Variants in UBE2QL1 observed in about 807,000 individuals in gnomAD.
UBE2QL1 encodes the protein ubiquitin-conjugating enzyme E2Q-like protein 1.
In UBE2QL1, 5 loss-of-function variants were observed where a neutral mutation model predicts 12.6. That is an observed-to-expected ratio of 0.40 (90% CI 0.21 to 0.83). UBE2QL1 has a LOEUF of 0.83. Ranked by LOEUF, UBE2QL1 falls within the 40% of genes least tolerant of loss-of-function variation. UBE2QL1 has a pLI of 0.37. For missense variants in UBE2QL1, 99 were observed against 222.6 expected, an observed-to-expected ratio of 0.44 and a Z score of 3.53; for synonymous variants, 96 against 94.5, an observed-to-expected ratio of 1.02 and a Z score of -0.10.
At chr5:6,455,995 C>A (rs1239338387) in intron 1 of UBE2QL1, among the ~76,000 whole-genome samples, 1 of 152,172 alleles carries the variant, frequency 6.6e-6, no homozygotes, top group Non-Finnish European at 1.5e-5. Context: ...TTCCCTCCAC[C>A]CTCGATGAGA....
At chr5:6,451,151 A>T (rs1037736986) in intron 1 of UBE2QL1, among the ~76,000 whole-genome samples, 8 of 152,212 alleles carry the variant, frequency 5.3e-5, no homozygotes, top group African/African-American at 1.9e-4. Context: ...ACAGAGTCCT[A>T]ACATTTTAGA....
chr5:6,458,852 A>G (rs551526152), intron 1 of UBE2QL1, among the ~76,000 whole-genome samples: 34 of 152,368 alleles, frequency 2.2e-4, no homozygotes, highest in African/African-American at 7.7e-4. Context: ...AGAGTCATCA[A>G]AATACTAAAT....
At chr5:6,459,275 T>C (rs543723200) in intron 1 of UBE2QL1, among the ~76,000 whole-genome samples, 60 of 152,322 alleles carry the variant, frequency 3.9e-4, no homozygotes, top group African/African-American at 1.4e-3. Context: ...TTACCGTAAG[T>C]CACAAATAAA....
intron 1 of UBE2QL1, among the ~76,000 whole-genome samples, chr5:6,475,913 G>T (rs572436997): frequency 4.9e-4 from 74 of 152,310 alleles, no homozygotes; most frequent in Admixed American, 2.5e-3. Flanking sequence ...AAACGCACAG[G>T]CTCTCCAGGG....
intron 1 of UBE2QL1, among the ~76,000 whole-genome samples, chr5:6,473,006 C>G (rs765824759): frequency 3.3e-5 from 5 of 152,190 alleles, no homozygotes; most frequent in African/African-American, 4.8e-5. Flanking sequence ...GTCTGAACCA[C>G]CTGGTCTTTT....
chr5:6,467,065 A>C (rs1167586148), intron 1 of UBE2QL1, among the ~76,000 whole-genome samples: 2 of 151,970 alleles, frequency 1.3e-5, no homozygotes, highest in African/African-American at 4.8e-5. Context: ...CTTCTCTGTA[A>C]ACATCTTTTC....
chr5:6,459,464 G>A (rs1025385579), intron 1 of UBE2QL1, among the ~76,000 whole-genome samples: 2 of 152,132 alleles, frequency 1.3e-5, no homozygotes, highest in African/African-American at 2.4e-5. Context: ...GTCCCTTCCT[G>A]CTGCCCCAAA....
At chr5:6,462,907 A>G (rs1739704981) in intron 1 of UBE2QL1, among the ~76,000 whole-genome samples, 1 of 152,252 alleles carries the variant, frequency 6.6e-6, no homozygotes, top group Non-Finnish European at 1.5e-5. Context: ...CTTAACAAAA[A>G]TAATAGTGTG....
intron 1 of UBE2QL1, among the ~76,000 whole-genome samples, chr5:6,464,710 A>G (rs1739747904): frequency 6.6e-6 from 1 of 152,244 alleles, no homozygotes; most frequent in Non-Finnish European, 1.5e-5. Flanking sequence ...GGTGGGTGAC[A>G]CCGGGTGCCT....
At chr5:6,473,185 C>G (rs1215143471) in intron 1 of UBE2QL1, among the ~76,000 whole-genome samples, 1 of 152,212 alleles carries the variant, frequency 6.6e-6, no homozygotes, top group African/African-American at 2.4e-5. Context: ...TCTGCTCTTC[C>G]TTTTCAAAAT....
chr5:6,455,408 G>C (rs1739499667), intron 1 of UBE2QL1, among the ~76,000 whole-genome samples: 1 of 152,130 alleles, frequency 6.6e-6, no homozygotes. Context: ...ACTTGTGGCA[G>C]GGATTTTGAG....
intron 1 of UBE2QL1, among the ~76,000 whole-genome samples, chr5:6,468,552 G>A (rs905419071): frequency 6.6e-6 from 1 of 152,218 alleles, no homozygotes; most frequent in Non-Finnish European, 1.5e-5. Context: ...GTGAGGAGCT[G>A]AGGCTGAAAT....
Position 6,461,547 on chromosome 5 carries a change from C to A in UBE2QL1, c.354+12300C>A, listed in dbSNP as rs559375705. 1.7e-3 allele frequency among the ~76,000 whole-genome samples: 198 copies of A among 114,868 alleles called. 15 individuals carry two copies. The Middle Eastern group carries it at 0.021, about 12-fold the overall frequency. The allele number at this position is 114,868 out of a possible 152,430, so 75.4% of individuals were successfully genotyped here. ...CAGTGTTTTTCAGCACCCACCACCC[C>A]CCCCCGCCGGCATATCATTCTAGGA... On this transcript the variant is annotated intron_variant, in intron 1 of 1. Coordinates refer to ENST00000399816, the MANE Select transcript of UBE2QL1 (RefSeq NM_001145161.3).
intron 1 of UBE2QL1, among the ~76,000 whole-genome samples, chr5:6,483,009 GGCCTCC>G (rs149092291): frequency 1.1e-4 from 16 of 152,328 alleles, no homozygotes; most frequent in Non-Finnish European, 2.2e-4. Context: ...ACGCCAGCAA[GGCCTCC>G]CTGCTGCGAG....
Position 6,492,627 on chromosome 5 carries a change from A to G in UBE2QL1, c.*1278A>G, listed in dbSNP as rs148124380. ...CTCAAGGATCCAGTCATTGTGGGCT[A>G]TCCTTCCATTTAAAATATTTCAGAT... On this transcript the variant is annotated 3_prime_UTR_variant, in exon 2 of 2. Coordinates refer to ENST00000399816, the MANE Select transcript of UBE2QL1 (RefSeq NM_001145161.3). 249 of 152,382 alleles carry G rather than the reference A, an allele frequency of 1.6e-3. No homozygotes were observed. Among genetic ancestry groups the G allele is most frequent in the African/African-American group, 5.7e-3 (238 of 41,594 alleles). 9.4% of individuals were successfully genotyped at this position (152,382 alleles called of 1,614,324 possible).
intron 1 of UBE2QL1, among the ~76,000 whole-genome samples, chr5:6,480,361 T>C (rs147364158): frequency 1.1e-3 from 162 of 152,194 alleles, no homozygotes; most frequent in African/African-American, 3.8e-3. Flanking sequence ...TCAGTGAGAG[T>C]GTTTGCCCCA....
intron 1 of UBE2QL1, among the ~76,000 whole-genome samples, chr5:6,469,841 G>T (rs1739872522): frequency 6.6e-6 from 1 of 152,062 alleles, no homozygotes; most frequent in Admixed American, 6.5e-5. Context: ...ACTTTGATCT[G>T]CCCTCATGAC....
At chr5:6,471,715 AGG>A (rs1460868148) in intron 1 of UBE2QL1, among the ~76,000 whole-genome samples, 1 of 152,246 alleles carries the variant, frequency 6.6e-6, no homozygotes, top group East Asian at 1.9e-4. Context: ...AGTGAACGCC[AGG>A]AATCGGAAAT....
At chr5:6,458,281 A>G (rs1406190635) in intron 1 of UBE2QL1, among the ~76,000 whole-genome samples, 3 of 152,244 alleles carry the variant, frequency 2.0e-5, no homozygotes, top group Non-Finnish European at 2.9e-5. Context: ...TGAAGGAGCT[A>G]AGGAAATACT....
Sources: gnomAD v4.1 joint callset for allele counts (sites outside exome capture counted in the v4.1 genomes callset) on GRCh38, gnomAD v4.1.1 for gene constraint, MANE v1.5 for transcripts, NCBI Gene and HGNC (gene_info 2026-07-23, HGNC 2026-07-21) for gene names.